GPC5: variants seen among roughly 807,000 people sequenced by gnomAD.
GPC5 encodes the protein glypican-5.
GPC5 carries 47 observed loss-of-function variants against 53.9 expected under a neutral mutation model. The observed-to-expected ratio is 0.87, with a 90% CI of 0.69 to 1.11. The LOEUF (loss-of-function observed/expected upper bound fraction) is 1.11. Among genes scored for constraint, GPC5 ranks in the 50% most tolerant of loss-of-function variants. The pLI is 0.00. For synonymous variants in GPC5, 286 were observed against 263.3 expected (o/e 1.09, Z -0.84); for missense variants, 748 against 713.1 (o/e 1.05, Z -0.56).
At chr13:92,414,168 T>C (rs1876176627) in intron 7 of GPC5, among the ~76,000 whole-genome samples, 1 of 152,182 alleles carries the variant, frequency 6.6e-6, no homozygotes, top group South Asian at 2.1e-4. Flanking sequence ...TTACATTTTA[T>C]TGCAGAGACA....
At chr13:91,722,171 G>A (rs948950744) in intron 3 of GPC5, among the ~76,000 whole-genome samples, 1 of 152,148 alleles carries the variant, frequency 6.6e-6, no homozygotes, top group African/African-American at 2.4e-5. Context: ...GAGAGAAAGA[G>A]AAAAAGGGGA....
intron 7 of GPC5, among the ~76,000 whole-genome samples, chr13:92,519,155 T>G (rs1880921825): frequency 6.6e-6 from 1 of 152,154 alleles, no homozygotes; most frequent in Non-Finnish European, 1.5e-5. Flanking sequence ...ACAAAGAGAC[T>G]TAGACTCCCA....
At chr13:92,603,484 C>G (rs1359071296) in intron 7 of GPC5, among the ~76,000 whole-genome samples, 3 of 152,106 alleles carry the variant, frequency 2.0e-5, no homozygotes, top group Non-Finnish European at 4.4e-5. Context: ...ATTAAAAATT[C>G]TGATAAGAAC....
chr13:91,547,385 C>T (rs2030357507), intron 2 of GPC5, among the ~76,000 whole-genome samples: 1 of 151,804 alleles, frequency 6.6e-6, no homozygotes, highest in South Asian at 2.1e-4. Context: ...AATTCTATGC[C>T]CATAAATTTA....
rs1352107347 is a variant in GPC5, at chr13:92,457,555, C to T, written c.1561+312566C>T. ...CAAAACATCGAGATGGTCATGCTAC[C>T]CCAGGCTCACAGGTTTTGAAGAACT... is the stretch of plus-strand genomic sequence containing the variant. On this transcript the variant is annotated intron_variant, in intron 7 of 7. Coordinates refer to ENST00000377067, the MANE Select transcript of GPC5 (RefSeq NM_004466.6). Among the ~76,000 whole-genome samples the T allele has an allele frequency of 2.6e-5, 4 of 152,158 alleles. No individual in the cohort carries two copies. In the East Asian group the frequency reaches 7.7e-4, roughly 29 times the overall value.
intron 5 of GPC5, among the ~76,000 whole-genome samples, chr13:91,871,228 A>T (rs2138930933): frequency 6.6e-6 from 1 of 152,310 alleles, no homozygotes. Context: ...GTATACATTT[A>T]CCTATCCCTA....
intron 7 of GPC5, among the ~76,000 whole-genome samples, chr13:92,275,699 A>T (rs371958130): frequency 2.0e-5 from 3 of 152,260 alleles, no homozygotes; most frequent in East Asian, 1.9e-4. Flanking sequence ...ATACTTAATG[A>T]TCCTTGCCGA....
At chr13:92,795,370 T>C (rs978367861) in intron 7 of GPC5, among the ~76,000 whole-genome samples, 1 of 152,120 alleles carries the variant, frequency 6.6e-6, no homozygotes, top group Non-Finnish European at 1.5e-5. Context: ...GTACACCTTA[T>C]ACAAAAATTA....
At chr13:91,868,046 A>C (rs1361124028) in intron 5 of GPC5, among the ~76,000 whole-genome samples, 2 of 152,210 alleles carry the variant, frequency 1.3e-5, no homozygotes, top group Non-Finnish European at 2.9e-5. Flanking sequence ...TGGTGTGTTT[A>C]AACTGTTAAA....
intron 5 of GPC5, among the ~76,000 whole-genome samples, chr13:91,842,962 T>C (rs1237209215): frequency 1.3e-5 from 2 of 152,116 alleles, no homozygotes; most frequent in Non-Finnish European, 2.9e-5. Context: ...TTGTTACGAG[T>C]CATGTGATTT....
At chr13:91,552,141 A>T (rs2030676495) in intron 2 of GPC5, among the ~76,000 whole-genome samples, 1 of 152,072 alleles carries the variant, frequency 6.6e-6, no homozygotes, top group Non-Finnish European at 1.5e-5. Context: ...TTTAATGATC[A>T]ATATTCTCAT....
At chr13:91,894,208 A>G (rs2039417505) in intron 5 of GPC5, among the ~76,000 whole-genome samples, 1 of 152,152 alleles carries the variant, frequency 6.6e-6, no homozygotes, top group African/African-American at 2.4e-5. Flanking sequence ...TGGAGCTATG[A>G]TAATTTGTAA....
chr13:92,291,061 C>T (rs953493217), intron 7 of GPC5, among the ~76,000 whole-genome samples: 8 of 152,262 alleles, frequency 5.3e-5, no homozygotes, highest in South Asian at 2.1e-4. Flanking sequence ...AATTTCTCGC[C>T]GGGCCTTAGC....
chr13:92,054,570 T>C (rs912366849), intron 6 of GPC5, among the ~76,000 whole-genome samples: 3 of 152,180 alleles, frequency 2.0e-5, no homozygotes, highest in African/African-American at 7.2e-5. Context: ...GAGCCCAAGT[T>C]ATAACCCACA....
rs75849251 is a variant in GPC5, at chr13:91,595,771, A to G, written c.326-97416A>G. On this transcript the variant is annotated intron_variant, in intron 2 of 7. Transcript: ENST00000377067. The stretch of plus-strand genomic sequence containing the variant: ...ACAGCAAAAGACTTTGAAGGAGCCC[A>G]TAGAGTTGGTGTTTCCACTTAGTCT... Among the ~76,000 whole-genome samples the G allele has an allele frequency of 1.3e-3, 191 of 152,334 alleles. 1 individual carries two copies. Among genetic ancestry groups the G allele is most frequent in the African/African-American group, 4.4e-3 (182 of 41,582 alleles).
chr13:92,223,164 A>G (rs1368507449), intron 7 of GPC5, among the ~76,000 whole-genome samples: 1 of 152,214 alleles, frequency 6.6e-6, no homozygotes, highest in East Asian at 1.9e-4. Flanking sequence ...GAATATTAAT[A>G]GCATAAACGA....
At chr13:91,436,656 A>G (rs1393794818) in intron 1 of GPC5, among the ~76,000 whole-genome samples, 1 of 152,158 alleles carries the variant, frequency 6.6e-6, no homozygotes, top group Non-Finnish European at 1.5e-5. Flanking sequence ...AGAAGAATGT[A>G]TATTCTGTTG....
At chr13:91,752,906 T>C (rs1171495404) in intron 4 of GPC5, among the ~76,000 whole-genome samples, 4 of 152,202 alleles carry the variant, frequency 2.6e-5, no homozygotes, top group Non-Finnish European at 4.4e-5. Context: ...ATCTGCATTT[T>C]GGTAAAATCC....
chr13:92,101,234 A>T (rs2041464640), intron 6 of GPC5, among the ~76,000 whole-genome samples: 2 of 152,008 alleles, frequency 1.3e-5, no homozygotes, highest in Non-Finnish European at 2.9e-5. Flanking sequence ...GTTGCTTTTA[A>T]TTTTTTGCCT....
Sources: allele counts gnomAD v4.1 joint callset (sites outside exome capture counted in the v4.1 genomes callset), GRCh38; gene constraint gnomAD v4.1.1; transcripts MANE v1.5; gene names NCBI Gene and HGNC (gene_info 2026-07-23, HGNC 2026-07-21).